Variants in PGR observed in about 807,000 individuals in gnomAD.
PGR encodes the protein progesterone receptor, also known as nuclear receptor subfamily 3 group C member 3.
Under a neutral mutation model 76.1 loss-of-function variants are expected in PGR, and 25 were observed. That is an observed-to-expected ratio of 0.33 (90% CI 0.24 to 0.46). The LOEUF (loss-of-function observed/expected upper bound fraction) is 0.46, where lower values mean the gene tolerates loss of function less well. PGR is among the 20% of genes least tolerant of loss of function. PGR has a pLI of 1.00. For synonymous variants in PGR, 579 were observed against 535.0 expected, an observed-to-expected ratio of 1.08 and a Z score of -1.14; for missense variants, 1,172 against 1,225.3, an observed-to-expected ratio of 0.96 and a Z score of 0.65.
At chr11:101,083,497 T>G (rs1861381210) in intron 3 of PGR, among the ~76,000 whole-genome samples, 1 of 152,178 alleles carries the variant, frequency 6.6e-6, no homozygotes, top group Non-Finnish European at 1.5e-5. Context: ...CTGGAATACC[T>G]GCAGGCATTC....
chr11:101,051,301 A>G, intron 5 of PGR, 123 bp downstream of exon 5: 1 of 670,696 alleles, frequency 1.5e-6, no homozygotes. Flanking sequence ...AAATTACCGT[A>G]AAATGACAGT....
At position 101,062,501 on chromosome 11, in the gene PGR, G is replaced by T; in HGVS notation, c.2158C>A (p.Gln720Lys). ...GAAAGAAGTTGCCTCTCGCCTAGTT[G>T]ATTAAGACTTGTCAGCAAAGAACTG... ...TSSSLLTSLN[Q>K]LGERQLLSVV... is the part of the protein sequence containing the mutation. The change falls in exon 4 of 8, where the codon CAA becomes AAA. Residue 720 changes from glutamine to lysine, a missense_variant. Gln to Lys is a moderately conservative substitution (Grantham distance 53). Transcript: ENST00000325455. 5 of 1,614,004 alleles carry T rather than the reference G, an allele frequency of 3.1e-6. No individual in the cohort carries two copies. Among genetic ancestry groups the T allele is most frequent in the Non-Finnish European group, 4.2e-6 (5 of 1,179,908 alleles).
rs570064968 is a variant in PGR at position 101,076,136 on chromosome 11, C to T, written c.1907-13384G>A. Among the ~76,000 whole-genome samples, 606 of 152,218 alleles carry T rather than the reference C, an allele frequency of 4.0e-3. 6 individuals carry two copies. Among genetic ancestry groups the T allele is most frequent in the African/African-American group, 0.014 (566 of 41,546 alleles). ...ATATACACCATGCAATAACATTGAG[C>T]TATCAAAAGGGATGAGTTCATGTCC... On this transcript the variant is annotated intron_variant, in intron 3 of 7. Transcript: ENST00000325455.
rs937029367 is a variant in PGR at position 101,031,361 on chromosome 11, A to G, written c.*7755T>C. The G allele has an allele frequency of 1.3e-5, 3 of 223,438 alleles. No individual in the cohort carries two copies. The highest frequency in any genetic ancestry group is 2.7e-5 in the Non-Finnish European group (3 of 112,058). The allele number at this position is 223,438 out of a possible 1,614,324, so 13.8% of individuals were successfully genotyped here. A position where few individuals can be genotyped will look rare whatever the true frequency, so the allele number is the denominator to read the frequency against. ...CCTCCTTCCCACAGCTACCATGTACATACAGTAAGCTTCTGCCTTCCCAGC... is the reference window on the plus strand; with the variant it reads ...CCTCCTTCCCACAGCTACCATGTACGTACAGTAAGCTTCTGCCTTCCCAGC... On this transcript the variant is annotated 3_prime_UTR_variant, in exon 8 of 8. Coordinates refer to ENST00000325455, the MANE Select transcript of PGR (RefSeq NM_000926.4).
At chr11:101,108,704 T>C (rs1862254171) in intron 2 of PGR, among the ~76,000 whole-genome samples, 1 of 152,198 alleles carries the variant, frequency 6.6e-6, no homozygotes. Flanking sequence ...GAAAGTTAAC[T>C]TCCTTCCTTG....
At chr11:101,123,381 C>T (rs74551360) in intron 2 of PGR, among the ~76,000 whole-genome samples, 1,844 of 152,280 alleles carry the variant, frequency 0.012, 37 homozygotes, top group African/African-American at 0.042. Flanking sequence ...CAGCTCATCA[C>T]GCAGCATTGC....
intron 3 of PGR, among the ~76,000 whole-genome samples, chr11:101,073,595 A>ATATT (rs1861020146): frequency 6.6e-6 from 1 of 152,188 alleles, no homozygotes; most frequent in Non-Finnish European, 1.5e-5. Flanking sequence ...AGCCAGACTA[A>ATATT]TAAAGAAGGG....
At chr11:101,070,136 T>C (rs775599191) in intron 3 of PGR, among the ~76,000 whole-genome samples, 1 of 152,068 alleles carries the variant, frequency 6.6e-6, no homozygotes, top group Admixed American at 6.6e-5. Context: ...CCTCATCTCA[T>C]TGGGACTGGC....
intron 3 of PGR, among the ~76,000 whole-genome samples, chr11:101,079,832 A>G (rs1351031110): frequency 6.6e-6 from 1 of 152,192 alleles, no homozygotes; most frequent in Non-Finnish European, 1.5e-5. Flanking sequence ...AGCACTATAT[A>G]TAATTGTCAT....
intron 2 of PGR, among the ~76,000 whole-genome samples, chr11:101,119,743 G>A (rs1177950932): frequency 6.6e-6 from 1 of 152,176 alleles, no homozygotes; most frequent in Non-Finnish European, 1.5e-5. Flanking sequence ...ACTGAGTTAA[G>A]GAGCACAATT....
At chr11:101,068,184 A>G (rs1860791861) in intron 3 of PGR, among the ~76,000 whole-genome samples, 2 of 152,184 alleles carry the variant, frequency 1.3e-5, no homozygotes, top group South Asian at 4.1e-4. Context: ...CTTAGGATAC[A>G]AAATCAATGT....
chr11:101,108,725 T>C (rs1862255098), intron 2 of PGR, among the ~76,000 whole-genome samples: 1 of 152,148 alleles, frequency 6.6e-6, no homozygotes, highest in African/African-American at 2.4e-5. Flanking sequence ...TTTTAATTCT[T>C]ATATCTGAAA....
intron 3 of PGR, among the ~76,000 whole-genome samples, chr11:101,090,491 A>G (rs1861645333): frequency 6.6e-6 from 1 of 152,246 alleles, no homozygotes; most frequent in Non-Finnish European, 1.5e-5. Flanking sequence ...TCTGGCTCCG[A>G]CATTGACTAG....
chr11:101,070,584 C>T (rs1021187147), intron 3 of PGR, among the ~76,000 whole-genome samples: 3 of 152,208 alleles, frequency 2.0e-5, no homozygotes, highest in Non-Finnish European at 4.4e-5. Flanking sequence ...GCTTGAAATT[C>T]TCGCTGCCAG....
At chr11:101,060,452 A>G (rs1027755425) in intron 4 of PGR, among the ~76,000 whole-genome samples, 25 of 152,198 alleles carry the variant, frequency 1.6e-4, no homozygotes, top group Non-Finnish European at 5.9e-5. Flanking sequence ...GATATTGAAC[A>G]CAGCAGGTAC....
At chr11:101,069,825 A>G (rs1860855887) in intron 3 of PGR, among the ~76,000 whole-genome samples, 1 of 151,868 alleles carries the variant, frequency 6.6e-6, no homozygotes, top group African/African-American at 2.4e-5. Context: ...GGACACAGGG[A>G]GAGGAACATC....
intron 2 of PGR, among the ~76,000 whole-genome samples, chr11:101,111,155 C>G (rs1161022070): frequency 2.0e-5 from 3 of 152,122 alleles, no homozygotes; most frequent in Non-Finnish European, 4.4e-5. Context: ...ATGCCTATAA[C>G]AAATACATAT....
intron 2 of PGR, among the ~76,000 whole-genome samples, chr11:101,106,535 G>T (rs1862168370): frequency 1.3e-5 from 2 of 152,202 alleles, no homozygotes; most frequent in Admixed American, 1.3e-4. Context: ...ATGGCAGTTG[G>T]AATGGCAACC....
chr11:101,102,848 G>A (rs1862037175), intron 2 of PGR, among the ~76,000 whole-genome samples: 1 of 149,946 alleles, frequency 6.7e-6, no homozygotes, highest in Non-Finnish European at 1.5e-5. Context: ...TCCACGGACT[G>A]GGGGCAGTGA....
Sources: allele counts gnomAD v4.1 joint callset (sites outside exome capture counted in the v4.1 genomes callset), GRCh38; gene constraint gnomAD v4.1.1; transcripts MANE v1.5; gene names NCBI Gene and HGNC (gene_info 2026-07-23, HGNC 2026-07-21).